SLC12A8: variants seen among roughly 807,000 people sequenced by gnomAD.
The protein encoded by SLC12A8 is cation-chloride cotransporter 9.
In SLC12A8, 69 loss-of-function variants were observed where a neutral mutation model predicts 75.6. The observed-to-expected ratio is 0.91, with a 90% CI of 0.75 to 1.11. The LOEUF is 1.11. SLC12A8 is among the 50% of genes most tolerant of loss of function. SLC12A8 has a pLI of 0.00. For missense variants in SLC12A8, 877 were observed against 896.7 expected, an observed-to-expected ratio of 0.98 and a Z score of 0.28; for synonymous variants, 365 against 372.8, an observed-to-expected ratio of 0.98 and a Z score of 0.24.
In SLC12A8 at chr3:125,177,724, T is replaced by C; in HGVS notation, c.622+19A>G. ...AGTGAAGATCCATAAGGCCACATAC[T>C]GGACTCTGAAAGGCTTACCTGGGTC... On this transcript the variant is annotated intron_variant, in intron 5 of 13. Coordinates refer to ENST00000469902, the MANE Select transcript of SLC12A8 (RefSeq NM_024628.6). 1 of 1,599,070 alleles carries C rather than the reference T, an allele frequency of 6.3e-7. No individual in the cohort carries two copies. The highest frequency in any genetic ancestry group is 8.6e-7 in the Non-Finnish European group (1 of 1,166,606).
intron 2 of SLC12A8, among the ~76,000 whole-genome samples, chr3:125,197,768 A>G (rs1935034138): frequency 6.6e-6 from 1 of 152,198 alleles, no homozygotes; most frequent in African/African-American, 2.4e-5. Flanking sequence ...CCTTCCTTAC[A>G]GTGGAAAACC....
intron 2 of SLC12A8, among the ~76,000 whole-genome samples, chr3:125,195,824 C>T (rs183096722): frequency 2.0e-5 from 3 of 152,270 alleles, no homozygotes; most frequent in Admixed American, 1.3e-4. Flanking sequence ...AATGACAAAA[C>T]CCCACAGCAG....
intron 5 of SLC12A8, among the ~76,000 whole-genome samples, chr3:125,164,858 G>T (rs921287860): frequency 2.4e-4 from 36 of 152,254 alleles, no homozygotes; most frequent in African/African-American, 8.2e-4. Flanking sequence ...TCGGTCTGGG[G>T]TGGAGCTTGG....
intron 6 of SLC12A8, among the ~76,000 whole-genome samples, chr3:125,132,062 T>G (rs1157254665): frequency 1.3e-5 from 2 of 152,138 alleles, no homozygotes; most frequent in Non-Finnish European, 2.9e-5. Context: ...GACAGGACAA[T>G]GGGAAGGCCT....
intron 5 of SLC12A8, among the ~76,000 whole-genome samples, chr3:125,149,992 C>T (rs1374835564): frequency 6.6e-6 from 1 of 152,162 alleles, no homozygotes; most frequent in Non-Finnish European, 1.5e-5. Flanking sequence ...CTTAATCTTT[C>T]CCCCTTCAGG....
chr3:125,127,665 T>C (rs1020024236), intron 6 of SLC12A8, among the ~76,000 whole-genome samples: 1 of 152,190 alleles, frequency 6.6e-6, no homozygotes, highest in Admixed American at 6.5e-5. Flanking sequence ...GCCCTGTGTC[T>C]GATGGAACCA....
intron 5 of SLC12A8, among the ~76,000 whole-genome samples, chr3:125,163,102 G>A (rs558496937): frequency 1.3e-5 from 2 of 152,068 alleles, no homozygotes; most frequent in Non-Finnish European, 2.9e-5. Context: ...CCAGGAGTTC[G>A]AGACTAGTCT....
At chr3:125,139,485 T>G (rs1579499395) in intron 5 of SLC12A8, among the ~76,000 whole-genome samples, 2 of 152,028 alleles carry the variant, frequency 1.3e-5, no homozygotes, top group South Asian at 4.2e-4. Context: ...CTTGCACCCC[T>G]CACCTATCAC....
chr3:125,157,447 C>A (rs1221083385), intron 5 of SLC12A8, among the ~76,000 whole-genome samples: 1 of 152,156 alleles, frequency 6.6e-6, no homozygotes, highest in Non-Finnish European at 1.5e-5. Flanking sequence ...ATCCTGGAAG[C>A]CCTAGAAGCT....
At chr3:125,118,608 A>T (rs555023065) in intron 8 of SLC12A8, among the ~76,000 whole-genome samples, 161 bp downstream of exon 8, 1 of 152,340 alleles carries the variant, frequency 6.6e-6, no homozygotes, top group East Asian at 1.9e-4. Flanking sequence ...CAGCCTAGGC[A>T]ACAGAGTGAG....
At chr3:125,206,873 C>G (rs1299999282) in intron 2 of SLC12A8, 1 of 152,212 alleles carries the variant, frequency 6.6e-6, no homozygotes, top group Non-Finnish European at 1.5e-5. Flanking sequence ...TTCATGAGAA[C>G]TCACTCACTC....
At chr3:125,092,609 C>T (rs1192114577) in intron 10 of SLC12A8, among the ~76,000 whole-genome samples, 2 of 152,078 alleles carry the variant, frequency 1.3e-5, no homozygotes, top group Non-Finnish European at 2.9e-5. Context: ...ATGGTCTTTG[C>T]TACCTTCTGA....
chr3:125,100,240 T>C (rs1162605848), intron 10 of SLC12A8, among the ~76,000 whole-genome samples: 1 of 152,040 alleles, frequency 6.6e-6, no homozygotes, highest in East Asian at 1.9e-4. Flanking sequence ...TTTGAAGAAA[T>C]ATTAGCCAAA....
At chr3:125,205,191 A>G (rs1045183401) in intron 2 of SLC12A8, among the ~76,000 whole-genome samples, 1 of 152,236 alleles carries the variant, frequency 6.6e-6, no homozygotes, top group South Asian at 2.1e-4. Flanking sequence ...AGAAACCCCA[A>G]TAAACCCTCA....
intron 5 of SLC12A8, among the ~76,000 whole-genome samples, chr3:125,175,899 G>A (rs1934516404): frequency 6.6e-6 from 1 of 152,162 alleles, no homozygotes; most frequent in Non-Finnish European, 1.5e-5. Context: ...CCCTTTAGGT[G>A]CCGGATCGTT....
intron 2 of SLC12A8, among the ~76,000 whole-genome samples, chr3:125,198,936 C>G (rs1261354913): frequency 6.6e-6 from 1 of 151,770 alleles, no homozygotes. Flanking sequence ...CGCCACCACG[C>G]CCGGCTAATT....
intron 5 of SLC12A8, among the ~76,000 whole-genome samples, chr3:125,166,416 A>G (rs976495261): frequency 2.6e-5 from 4 of 152,008 alleles, no homozygotes; most frequent in African/African-American, 4.8e-5. Flanking sequence ...CTTCATCCCT[A>G]TCCTGGGCCA....
chr3:125,173,452 C>CAAAAAAAAAAAAAAAAAA (rs61001520), intron 5 of SLC12A8, among the ~76,000 whole-genome samples: 3 of 79,626 alleles, frequency 3.8e-5, no homozygotes, highest in African/African-American at 5.4e-5. Context: ...ATTCATGAGC[C>CAAAAAAAAAAAAAAAAAA]AAAAAAAAAA....
rs1488867092 is a variant in SLC12A8, at chr3:125,107,471, G to A, written c.1705+10C>T. The stretch of plus-strand genomic sequence containing the variant: ...AATAAGAGGCCCCAGTGTGATACCA[G>A]AGCACTCACCTTCTCCACTGGACTC... On this transcript the variant is annotated intron_variant, in intron 10 of 13. Coordinates refer to ENST00000469902, the MANE Select transcript of SLC12A8 (RefSeq NM_024628.6). 2 of 1,596,796 alleles carry A rather than the reference G, an allele frequency of 1.3e-6. No homozygotes were observed. The highest frequency in any genetic ancestry group is 2.7e-5 in the African/African-American group (2 of 74,620).
Sources: allele counts gnomAD v4.1 joint callset (sites outside exome capture counted in the v4.1 genomes callset), GRCh38; gene constraint gnomAD v4.1.1; transcripts MANE v1.5; gene names NCBI Gene and HGNC (gene_info 2026-07-23, HGNC 2026-07-21).